Variants in GSE1 observed in about 807,000 individuals in gnomAD.
The protein encoded by GSE1 is genetic suppressor element 1.
A neutral mutation model predicts 112.6 loss-of-function variants in GSE1; 32 were observed. The observed-to-expected ratio is 0.28, with a 90% CI of 0.21 to 0.38. The LOEUF is 0.38. Ranked by LOEUF, GSE1 falls within the 10% of genes least tolerant of loss-of-function variation. The pLI, the probability that GSE1 is intolerant of heterozygous loss-of-function variation, is 1.00. For synonymous variants in GSE1, 1,115 were observed against 735.6 expected (o/e 1.52, Z -8.35); for missense variants, 2,348 against 1,699.2 (o/e 1.38, Z -6.71).
intron 1 of GSE1, among the ~76,000 whole-genome samples, chr16:85,308,992 C>T (rs1379341507): frequency 6.6e-6 from 1 of 150,750 alleles, no homozygotes; most frequent in Admixed American, 6.6e-5. Context: ...CAAGGACAGC[C>T]GTGGAGGCTC....
chr16:85,249,665 G>A (rs1012794528), intron 1 of GSE1, among the ~76,000 whole-genome samples: 4 of 152,200 alleles, frequency 2.6e-5, no homozygotes, highest in African/African-American at 9.6e-5. Flanking sequence ...TCTGGGGCAG[G>A]CCTGGTCCTG....
chr16:85,206,538 T>G (rs975701463), intron 1 of GSE1, among the ~76,000 whole-genome samples: 5 of 152,088 alleles, frequency 3.3e-5, no homozygotes, highest in African/African-American at 1.2e-4. Context: ...CCCCCAGGTT[T>G]TCCCAGATCC....
intron 1 of GSE1, among the ~76,000 whole-genome samples, chr16:85,562,313 C>T (rs1316116785): frequency 1.3e-5 from 2 of 152,228 alleles, no homozygotes; most frequent in African/African-American, 2.4e-5. Context: ...CCCTTTTGTC[C>T]CAGCTGCAGC....
intron 2 of GSE1, among the ~76,000 whole-genome samples, chr16:85,450,155 CTT>C (rs1189753210): frequency 1.7e-5 from 2 of 115,468 alleles, no homozygotes; most frequent in Non-Finnish European, 1.7e-5. Flanking sequence ...GAATTTCGCT[CTT>C]GTCGCCCAGG....
At chr16:85,519,063 A>G (rs1020067650) in intron 2 of GSE1, among the ~76,000 whole-genome samples, 10 of 152,210 alleles carry the variant, frequency 6.6e-5, no homozygotes, top group Admixed American at 2.0e-4. Context: ...TTTGTGCCTC[A>G]GTTTCTCCTC....
chr16:85,556,035 G>C, exon 1 of GSE1: 1 of 985,028 alleles, frequency 1.0e-6, no homozygotes, highest in African/African-American at 1.7e-5. Flanking sequence ...TGGAGGCTCC[G>C]GCCCGTCCTT....
chr16:85,595,579 T>C (rs1406037111), intron 1 of GSE1: 2 of 152,212 alleles, frequency 1.3e-5, no homozygotes, highest in Non-Finnish European at 1.5e-5. Flanking sequence ...ACGTTCCATG[T>C]GGTTGGGACT....
At chr16:85,401,684 C>T (rs955166534) in intron 2 of GSE1, among the ~76,000 whole-genome samples, 1 of 152,202 alleles carries the variant, frequency 6.6e-6, no homozygotes, top group African/African-American at 2.4e-5. Flanking sequence ...TATATAAGAG[C>T]TTCTAACTGC....
At chr16:85,232,250 T>C (rs1057360319) in intron 1 of GSE1, among the ~76,000 whole-genome samples, 1 of 152,236 alleles carries the variant, frequency 6.6e-6, no homozygotes, top group African/African-American at 2.4e-5. Flanking sequence ...AAAGAGAAGC[T>C]GTGGCCACAG....
At chr16:85,184,510 C>A (rs1231907873) in intron 1 of GSE1, among the ~76,000 whole-genome samples, 1 of 152,182 alleles carries the variant, frequency 6.6e-6, no homozygotes, top group Non-Finnish European at 1.5e-5. Context: ...CCATATGCTT[C>A]CCTCTTTCCC....
intron 1 of GSE1, among the ~76,000 whole-genome samples, chr16:85,206,624 G>A (rs2075121002): frequency 6.6e-6 from 1 of 152,168 alleles, no homozygotes; most frequent in Non-Finnish European, 1.5e-5. Context: ...GGCCCCTACA[G>A]CATGGGCTTC....
At chr16:85,627,898 G>A (rs1225024838) in intron 1 of GSE1, among the ~76,000 whole-genome samples, 1 of 152,222 alleles carries the variant, frequency 6.6e-6, no homozygotes, top group African/African-American at 2.4e-5. Context: ...CGGACACCTT[G>A]GCACCTGCAC....
intron 2 of GSE1, among the ~76,000 whole-genome samples, chr16:85,409,643 C>A (rs1428562261): frequency 1.8e-4 from 2 of 11,054 alleles, no homozygotes; most frequent in African/African-American, 2.3e-4. Flanking sequence ...CTCAGGGCCC[C>A]CCTGGATAAT....
At chr16:85,512,661 C>T (rs2051787583) in intron 2 of GSE1, among the ~76,000 whole-genome samples, 1 of 152,100 alleles carries the variant, frequency 6.6e-6, no homozygotes, top group Non-Finnish European at 1.5e-5. Flanking sequence ...CAATTACAGG[C>T]ACGTAATAAA....
chr16:85,634,944 C>G (rs2049862208), intron 2 of GSE1, among the ~76,000 whole-genome samples: 1 of 149,974 alleles, frequency 6.7e-6, no homozygotes, highest in South Asian at 2.1e-4. Flanking sequence ...GGACTCGCTG[C>G]TGACAGGCGG....
At position 85,205,199 on chromosome 16, in the gene GSE1, G is replaced by T. The variant is rs150646007; in HGVS notation, c.2283+33392G>T. Among the ~76,000 whole-genome samples, 94 of 151,994 alleles carry T rather than the reference G, an allele frequency of 6.2e-4. No homozygotes were observed. The East Asian group carries it at 0.016, about 25-fold the overall frequency. ...GGCTGGAGTACAGTGGCATGATCTC[G>T]GCTCACTGCAACCTCCGCCTCCTGG... On this transcript the variant is annotated intron_variant, in intron 1 of 2. Coordinates refer to the GSE1 transcript ENST00000637419.
At chr16:85,298,838 G>A (rs1347129457) in intron 1 of GSE1, among the ~76,000 whole-genome samples, 1 of 152,246 alleles carries the variant, frequency 6.6e-6, no homozygotes, top group Non-Finnish European at 1.5e-5. Context: ...GCTGCAGATG[G>A]GCTAGAACTT....
intron 2 of GSE1, among the ~76,000 whole-genome samples, chr16:85,502,688 G>A (rs769683760): frequency 1.8e-4 from 28 of 152,212 alleles, no homozygotes; most frequent in African/African-American, 6.3e-4. Context: ...CAAGGCTACC[G>A]CCGACCTGCA....
At chr16:85,227,340 G>A (rs978433375) in intron 1 of GSE1, among the ~76,000 whole-genome samples, 10 of 152,236 alleles carry the variant, frequency 6.6e-5, no homozygotes, top group Non-Finnish European at 1.3e-4. Context: ...GCTACTGCAC[G>A]CAGGCCTCTT....
Sources: gnomAD v4.1 joint callset for allele counts (sites outside exome capture counted in the v4.1 genomes callset) on GRCh38, gnomAD v4.1.1 for gene constraint, MANE v1.5 for transcripts, NCBI Gene and HGNC (gene_info 2026-07-23, HGNC 2026-07-21) for gene names.